The following CALN1 variants were observed in gnomAD, a reference collection of about 807,000 sequenced individuals.
The protein encoded by CALN1 is calneuron 1.
A neutral mutation model predicts 30.6 loss-of-function variants in CALN1; 17 were observed. That is an observed-to-expected ratio of 0.56 (90% CI 0.38 to 0.83). CALN1 has a LOEUF of 0.83. CALN1 is among the 40% of genes least tolerant of loss of function. CALN1 has a pLI of 0.00. For missense variants in CALN1, 291 were observed against 354.9 expected, an observed-to-expected ratio of 0.82 and a Z score of 1.45; for synonymous variants, 156 against 131.4, an observed-to-expected ratio of 1.19 and a Z score of -1.28.
intron 3 of CALN1, among the ~76,000 whole-genome samples, chr7:72,229,810 A>T (rs1436022676): frequency 6.6e-6 from 1 of 151,920 alleles, no homozygotes. Context: ...GAAGGAGAGC[A>T]TTAGGACAAA....
At chr7:72,336,624 C>G (rs1562900977) in intron 2 of CALN1, 2 of 935,348 alleles carry the variant, frequency 2.1e-6, no homozygotes, top group Non-Finnish European at 2.6e-6. Context: ...TTTGGACACC[C>G]TAGAGAGAAG....
chr7:72,079,090 A>G (rs1283391025), intron 4 of CALN1, among the ~76,000 whole-genome samples: 7 of 152,196 alleles, frequency 4.6e-5, no homozygotes, highest in Admixed American at 4.6e-4. Context: ...GCCAGGCTCT[A>G]TTCTAGGCTA....
At chr7:71,882,322 C>T (rs887807731) in intron 5 of CALN1, among the ~76,000 whole-genome samples, 4 of 152,180 alleles carry the variant, frequency 2.6e-5, no homozygotes, top group East Asian at 1.9e-4. Flanking sequence ...CTTATGAAGA[C>T]CCTTGTGATT....
the CALN1 span, among the ~76,000 whole-genome samples, chr7:72,471,861 C>T: frequency 6.6e-6 from 1 of 152,136 alleles, no homozygotes; most frequent in East Asian, 1.9e-4. Context: ...AGTGTAGTGG[C>T]ATGATTATAG....
At chr7:72,465,437 T>G in the CALN1 span, among the ~76,000 whole-genome samples, 6 of 152,214 alleles carry the variant, frequency 3.9e-5, no homozygotes, top group Non-Finnish European at 8.8e-5. Flanking sequence ...GCCAATATCC[T>G]GGATACCCTC....
chr7:72,289,188 C>T (rs541252562), intron 2 of CALN1, among the ~76,000 whole-genome samples: 2 of 152,152 alleles, frequency 1.3e-5, no homozygotes, highest in African/African-American at 4.8e-5. Context: ...CTGGACAATT[C>T]TAAGTCATTA....
chr7:72,301,093 T>C (rs1447518514), intron 2 of CALN1, among the ~76,000 whole-genome samples: 1 of 152,154 alleles, frequency 6.6e-6, no homozygotes, highest in African/African-American at 2.4e-5. Context: ...GATGAATTCA[T>C]CCATCTTTAC....
the CALN1 span, among the ~76,000 whole-genome samples, chr7:72,500,121 A>C: frequency 6.7e-6 from 1 of 149,884 alleles, no homozygotes; most frequent in African/African-American, 2.5e-5. Context: ...CATGTTGGCC[A>C]GACTGATCTC....
intron 3 of CALN1, among the ~76,000 whole-genome samples, chr7:72,170,041 G>C (rs1212944351): frequency 6.6e-6 from 1 of 152,156 alleles, no homozygotes; most frequent in Non-Finnish European, 1.5e-5. Context: ...CTGTCACCCA[G>C]GCTGGAGTGC....
chr7:71,872,160 G>T (rs1303775449), intron 5 of CALN1, among the ~76,000 whole-genome samples: 2 of 152,158 alleles, frequency 1.3e-5, no homozygotes, highest in Non-Finnish European at 2.9e-5. Flanking sequence ...TTATTCAGAG[G>T]TTGACTGTTT....
intron 4 of CALN1, among the ~76,000 whole-genome samples, chr7:72,024,280 C>A (rs114283939): frequency 0.017 from 2,618 of 152,318 alleles, 72 homozygotes; most frequent in African/African-American, 0.06. Context: ...ATGTTCCTAG[C>A]TACGATTCTG....
intron 5 of CALN1, among the ~76,000 whole-genome samples, chr7:71,973,589 A>G (rs1312758397): frequency 2.0e-5 from 3 of 152,216 alleles, no homozygotes; most frequent in African/African-American, 7.2e-5. Context: ...GCGTGGCAAG[A>G]GCAGAAATGT....
intron 5 of CALN1, among the ~76,000 whole-genome samples, chr7:71,863,919 A>G (rs746773917): frequency 3.0e-4 from 46 of 152,326 alleles, no homozygotes; most frequent in Non-Finnish European, 5.6e-4. Flanking sequence ...GGATGTCTGT[A>G]TCGAATAGGA....
chr7:72,402,459 T>C (rs570740185), intron 2 of CALN1, among the ~76,000 whole-genome samples: 1 of 152,316 alleles, frequency 6.6e-6, no homozygotes, highest in Non-Finnish European at 1.5e-5. Flanking sequence ...GGAGATCCCA[T>C]TCTGAACAGC....
At chr7:71,998,394 A>G (rs542503607) in intron 5 of CALN1, among the ~76,000 whole-genome samples, 1 of 152,066 alleles carries the variant, frequency 6.6e-6, no homozygotes, top group Non-Finnish European at 1.5e-5. Context: ...ATATTTAATG[A>G]TTGAGACACA....
intron 4 of CALN1, among the ~76,000 whole-genome samples, chr7:72,068,136 C>T (rs1053505041): frequency 1.3e-5 from 2 of 152,124 alleles, no homozygotes; most frequent in African/African-American, 4.8e-5. Context: ...AAATGAACAA[C>T]GATGGGGCAG....
chr7:71,936,620 T>C (rs915708112), intron 5 of CALN1, among the ~76,000 whole-genome samples: 1 of 152,134 alleles, frequency 6.6e-6, no homozygotes, highest in African/African-American at 2.4e-5. Flanking sequence ...TTGGGTCTCA[T>C]CTGCTGAACT....
intron 5 of CALN1, among the ~76,000 whole-genome samples, chr7:71,997,245 GA>G (rs80033987): frequency 0.13 from 19,891 of 150,400 alleles, 1,898 homozygotes; most frequent in East Asian, 0.38. Flanking sequence ...AAAAAAAAAA[GA>G]AAGAAAGAAA....
At chr7:72,071,807 G>A (rs150483206) in intron 4 of CALN1, among the ~76,000 whole-genome samples, 209 of 152,296 alleles carry the variant, frequency 1.4e-3, no homozygotes, top group African/African-American at 4.9e-3. Flanking sequence ...AGACCTACTG[G>A]TGGAATTAAT....
Sources: gnomAD v4.1 joint callset for allele counts (sites outside exome capture counted in the v4.1 genomes callset) on GRCh38, gnomAD v4.1.1 for gene constraint, MANE v1.5 for transcripts, NCBI Gene and HGNC (gene_info 2026-07-23, HGNC 2026-07-21) for gene names.